The following MIS18A variants were observed in gnomAD, a reference collection of about 807,000 sequenced individuals.
MIS18A encodes the protein MIS18 kinetochore protein A, also known as protein Mis18-alpha.
A neutral mutation model predicts 25.0 loss-of-function variants in MIS18A; 14 were observed. That is an observed-to-expected ratio of 0.56 (90% CI 0.37 to 0.88). MIS18A has a LOEUF of 0.88. Among genes scored for constraint, MIS18A ranks in the 40% least tolerant of loss-of-function variants. The pLI is 0.00. For missense variants in MIS18A, 292 were observed against 290.8 expected (o/e 1.00, Z -0.03); for synonymous variants, 134 against 118.6 (o/e 1.13, Z -0.84).
rs530098523 is a variant in MIS18A at position 32,272,972 on chromosome 21, A to G, written c.401+1858T>C. On this transcript the variant is annotated intron_variant, in intron 2 of 4. Transcript: ENST00000290130. ...CAAAGTTCTAGCCTCCCTGGGCCTA[A>G]CTTTCTTCAACTACCAAATGAGAAA... 2.0e-5 allele frequency among the ~76,000 whole-genome samples: 3 copies of G among 152,298 alleles called. No homozygotes were observed. In the East Asian group the frequency reaches 5.8e-4, roughly 29 times the overall value.
the MIS18A span, among the ~76,000 whole-genome samples, chr21:32,244,619 C>T: frequency 6.6e-6 from 1 of 151,980 alleles, no homozygotes; most frequent in African/African-American, 2.4e-5. Context: ...TGCCTGTAAT[C>T]CCAGCTACTT....
chr21:32,274,196 T>TC (rs2031765749), intron 2 of MIS18A, among the ~76,000 whole-genome samples: 4 of 140,908 alleles, frequency 2.8e-5, no homozygotes, highest in Non-Finnish European at 6.1e-5. Flanking sequence ...TTCCTTTTCT[T>TC]CTTTTTTTTT....
At chr21:32,256,507 G>A in the MIS18A span, among the ~76,000 whole-genome samples, 1 of 152,088 alleles carries the variant, frequency 6.6e-6, no homozygotes. Context: ...CACGTGTGCT[G>A]GTTTTCCCGG....
chr21:32,235,554 A>T, the MIS18A span, among the ~76,000 whole-genome samples: 1 of 152,230 alleles, frequency 6.6e-6, no homozygotes, highest in Non-Finnish European at 1.5e-5. Context: ...AAGTGTTGAC[A>T]CATGAGGTGA....
the MIS18A span, among the ~76,000 whole-genome samples, chr21:32,210,273 T>C: frequency 6.6e-6 from 1 of 152,220 alleles, no homozygotes; most frequent in Non-Finnish European, 1.5e-5. Context: ...AAATGAGTTG[T>C]TATTTGTACA....
the MIS18A span, among the ~76,000 whole-genome samples, chr21:32,205,488 T>C: frequency 6.6e-6 from 1 of 151,892 alleles, no homozygotes; most frequent in South Asian, 2.1e-4. Context: ...CCCATTTTCA[T>C]TTTTCCCCCA....
chr21:32,202,189 T>C, the MIS18A span, among the ~76,000 whole-genome samples: 4 of 152,108 alleles, frequency 2.6e-5, 1 homozygote, highest in South Asian at 6.2e-4. Flanking sequence ...CTTGGGAGGC[T>C]GAGGTGGGAG....
chr21:32,175,154 G>A, the MIS18A span, among the ~76,000 whole-genome samples: 1 of 152,104 alleles, frequency 6.6e-6, no homozygotes, highest in South Asian at 2.1e-4. Context: ...GAATATTTTA[G>A]GCAGTTGTAA....
At position 32,278,750 on chromosome 21, in the gene MIS18A, G is replaced by A. The variant is rs897046707; in HGVS notation, c.265C>T (p.Arg89Trp). Residue 89 changes from arginine to tryptophan, a missense_variant, in exon 1 of 5, where the codon CGG (arginine) becomes TGG (tryptophan). Coordinates refer to ENST00000290130, the MANE Select transcript of MIS18A (RefSeq NM_018944.3). ...RPLVFLCSGC[R>W]RPLGDSLSWV... ...CTCAGCGAGTCGCCCAGCGGCCGCC[G>A]GCAGCCGGAGCACAGGAACACCAGC... The A allele has an allele frequency of 1.9e-6, 3 of 1,576,748 alleles. No homozygotes were observed. The highest frequency in any genetic ancestry group is 1.3e-5 in the African/African-American group (1 of 74,618).
At chr21:32,239,698 G>A in the MIS18A span, among the ~76,000 whole-genome samples, 3 of 152,170 alleles carry the variant, frequency 2.0e-5, no homozygotes, top group East Asian at 1.9e-4. Context: ...GAAGAGCCAC[G>A]AGAAAGAAAA....
At chr21:32,237,654 A>T in the MIS18A span, among the ~76,000 whole-genome samples, 1 of 152,208 alleles carries the variant, frequency 6.6e-6, no homozygotes, top group African/African-American at 2.4e-5. Context: ...CCTTTTATAA[A>T]ATAAGAGTCT....
At chr21:32,154,741 T>C in the MIS18A span, among the ~76,000 whole-genome samples, 1 of 151,882 alleles carries the variant, frequency 6.6e-6, no homozygotes, top group African/African-American at 2.4e-5. Flanking sequence ...GGAGAAGTTA[T>C]ATAATTCTAC....
the MIS18A span, among the ~76,000 whole-genome samples, chr21:32,203,543 C>T: frequency 1.5e-3 from 1 of 652 alleles, no homozygotes; most frequent in Non-Finnish European, 3.2e-3. Flanking sequence ...TGCATAAAAA[C>T]ACATTTCCCA....
the MIS18A span, among the ~76,000 whole-genome samples, chr21:32,182,314 C>G: frequency 6.6e-6 from 1 of 152,126 alleles, no homozygotes; most frequent in Non-Finnish European, 1.5e-5. Context: ...TTCCCGTGGT[C>G]TACATTTCAC....
the MIS18A span, among the ~76,000 whole-genome samples, chr21:32,259,079 G>T: frequency 6.6e-6 from 1 of 151,896 alleles, no homozygotes; most frequent in Non-Finnish European, 1.5e-5. Context: ...TTGCTATGTC[G>T]CCCAGGCCAG....
chr21:32,160,327 CACACAT>C, the MIS18A span, among the ~76,000 whole-genome samples: 9 of 121,674 alleles, frequency 7.4e-5, no homozygotes, highest in East Asian at 4.8e-4. Flanking sequence ...CACACACACA[CACACAT>C]ACACCATTTC....
At chr21:32,239,482 T>C in the MIS18A span, among the ~76,000 whole-genome samples, 9 of 152,140 alleles carry the variant, frequency 5.9e-5, no homozygotes, top group African/African-American at 2.2e-4. Flanking sequence ...CACCCAGAAA[T>C]GTTGAGCAGA....
At chr21:32,204,799 A>T in the MIS18A span, among the ~76,000 whole-genome samples, 1 of 151,748 alleles carries the variant, frequency 6.6e-6, no homozygotes, top group African/African-American at 2.4e-5. Flanking sequence ...AGGCAGGAGA[A>T]TCGCTTGGGC....
the MIS18A span, among the ~76,000 whole-genome samples, chr21:32,188,385 G>C: frequency 6.6e-6 from 1 of 152,194 alleles, no homozygotes; most frequent in Non-Finnish European, 1.5e-5. Context: ...AAGGCCAGAT[G>C]ACACCTGCAC....
Sources: allele counts gnomAD v4.1 joint callset (sites outside exome capture counted in the v4.1 genomes callset), GRCh38; gene constraint gnomAD v4.1.1; transcripts MANE v1.5; gene names NCBI Gene and HGNC (gene_info 2026-07-23, HGNC 2026-07-21).